Variants in SBNO2 observed in about 807,000 individuals in gnomAD.
The protein encoded by SBNO2 is protein strawberry notch homolog 2.
In SBNO2, 89 loss-of-function variants were observed where a neutral mutation model predicts 146.3. The ratio of observed to expected loss-of-function variants is 0.61; its 90% CI spans 0.51 to 0.73. The LOEUF (loss-of-function observed/expected upper bound fraction) is 0.73, where lower values mean the gene tolerates loss of function less well. Ranked by LOEUF, SBNO2 falls within the 30% of genes least tolerant of loss-of-function variation. The pLI, the probability that SBNO2 is intolerant of heterozygous loss-of-function variation, is 0.00. For missense variants in SBNO2, 2,092 were observed against 2,003.7 expected (o/e 1.04, Z -0.84); for synonymous variants, 1,147 against 892.6 (o/e 1.29, Z -5.08).
intron 4 of SBNO2, 123 bp downstream of exon 4, chr19:1,147,186 G>A (rs1432748735): frequency 1.2e-5 from 8 of 653,934 alleles, no homozygotes; most frequent in Admixed American, 3.5e-5. Context: ...CTGCGGCCGA[G>A]GGGCCAAGCC....
Position 1,145,341 on chromosome 19 carries a change from T to A in SBNO2, c.279+1968A>T, listed in dbSNP as rs1407117977. Among the ~76,000 whole-genome samples the A allele has an allele frequency of 2.8e-5, 4 of 144,328 alleles. No homozygotes were observed. The East Asian group carries it at 6.0e-4, about 22-fold the overall frequency. 94.7% of individuals were successfully genotyped at this position (144,328 alleles called of 152,430 possible). On this transcript the variant is annotated intron_variant, in intron 4 of 31. Coordinates refer to ENST00000361757, the MANE Select transcript of SBNO2 (RefSeq NM_014963.3). ...AAAAAAAATTAGCCAGGCATGGTGG[T>A]GCATGCCTGTGGTCTCAGCTGCTCG...
In SBNO2 at chr19:1,157,491, C is replaced by T. The variant is rs1185204746; in HGVS notation, c.-126-3089G>A. ...AGCCACGGGCCAGCCAAACGTCCAGCGGGCAGCAGAGCGTGTCCCCTGCCT... is the reference window on the plus strand; with the variant it reads ...AGCCACGGGCCAGCCAAACGTCCAGTGGGCAGCAGAGCGTGTCCCCTGCCT... On this transcript the variant is annotated intron_variant, in intron 1 of 31. Coordinates refer to ENST00000361757, the MANE Select transcript of SBNO2 (RefSeq NM_014963.3). This position sits in a 1 kb window ranked among gnomAD's most constrained non-coding sequence, Gnocchi z 6.8. 1.4e-5 allele frequency among the ~76,000 whole-genome samples: 2 copies of T among 145,572 alleles called. No homozygotes were observed. The highest frequency in any genetic ancestry group is 2.5e-5 in the African/African-American group (1 of 40,246).
At chr19:1,162,062 G>A (rs1385999307) in intron 1 of SBNO2, among the ~76,000 whole-genome samples, 2 of 150,962 alleles carry the variant, frequency 1.3e-5, no homozygotes, top group East Asian at 2.0e-4. Flanking sequence ...TCCTGGCCCC[G>A]AGGCTGTGGG....
In SBNO2 at chr19:1,157,611, G is replaced by T. The variant is rs2080304329; in HGVS notation, c.-126-3209C>A. 6.6e-6 allele frequency among the ~76,000 whole-genome samples: 1 copy of T among 152,190 alleles called. No homozygotes were observed. The highest frequency in any genetic ancestry group is 1.5e-5 in the Non-Finnish European group (1 of 68,020). On this transcript the variant is annotated intron_variant, in intron 1 of 31. Coordinates refer to ENST00000361757, the MANE Select transcript of SBNO2 (RefSeq NM_014963.3). The surrounding 1 kb of genome is among the most constrained non-coding windows in gnomAD (Gnocchi z 6.8). ...CACACGGTTCCCACCTTGGGAGGGGGCCCGCGCTTTATCAGCACGCTGACA... is the reference window on the plus strand; with the variant it reads ...CACACGGTTCCCACCTTGGGAGGGGTCCCGCGCTTTATCAGCACGCTGACA...
chr19:1,145,166 C>G (rs1052497070), intron 4 of SBNO2, among the ~76,000 whole-genome samples: 6 of 151,398 alleles, frequency 4.0e-5, no homozygotes, highest in Non-Finnish European at 8.8e-5. Flanking sequence ...GAGAGAGAGA[C>G]AGAGAAAAGA....
chr19:1,174,263 C>T lies in SBNO2; in HGVS notation c.-218G>A, dbSNP rs1030791327. 6.6e-6 allele frequency: 1 copy of T among 151,640 alleles called. No homozygotes were observed. Among genetic ancestry groups the T allele is most frequent in the Non-Finnish European group, 1.5e-5 (1 of 67,852 alleles). 9.4% of individuals were successfully genotyped at this position (151,640 alleles called of 1,614,324 possible). ...CCGCTCACTTCCGGGTTTCGGGCGC[C>T]ATCTTGGGGGCCCCGCGCACTTCCG... On this transcript the variant is annotated 5_prime_UTR_variant, in exon 1 of 32. An upstream start codon of the reference 5' UTR is lost. Transcript: ENST00000361757.
At position 1,109,617 on chromosome 19, in the gene SBNO2, G is replaced by C; in HGVS notation, c.3124-19C>G. On this transcript the variant is annotated intron_variant, in intron 27 of 31. Transcript: ENST00000361757. This position sits in a 1 kb window ranked among gnomAD's most constrained non-coding sequence, Gnocchi z 4.2. ...CGCTGATCTGCCACGGCACGGGGTG[G>C]GGGGGTGTGAGTGTGGTGGGGGCGG... 1 of 1,565,598 alleles carries C rather than the reference G, an allele frequency of 6.4e-7. No individual in the cohort carries two copies. Among genetic ancestry groups the C allele is most frequent in the South Asian group, 1.2e-5 (1 of 85,514 alleles).
chr19:1,146,914 G>A (rs532251122), intron 4 of SBNO2, among the ~76,000 whole-genome samples: 2 of 152,268 alleles, frequency 1.3e-5, no homozygotes, highest in East Asian at 1.9e-4. Flanking sequence ...TGTGAGTTCC[G>A]TTTTCAGGTG....
At chr19:1,139,516 G>A (rs993330776) in intron 4 of SBNO2, among the ~76,000 whole-genome samples, 1 of 152,012 alleles carries the variant, frequency 6.6e-6, no homozygotes, top group African/African-American at 2.4e-5. Context: ...GAAAAGGGGC[G>A]GGGCGTGGTG....
chr19:1,122,279 T>C lies in SBNO2; in HGVS notation c.1009A>G (p.Lys337Glu). The C allele has an allele frequency of 1.9e-6, 3 of 1,561,616 alleles. No homozygotes were observed. The highest frequency in any genetic ancestry group is 2.6e-6 in the Non-Finnish European group (3 of 1,152,762). Residue 337 changes from lysine to glutamate, a missense_variant, in exon 11 of 32, where the codon AAG (lysine) becomes GAG (glutamate). By Grantham distance (56) the Lys-to-Glu change is moderately conservative. Coordinates refer to ENST00000361757, the MANE Select transcript of SBNO2 (RefSeq NM_014963.3). ...TCTGAGGTAGTGGTGTCACCGTACT[T>C]GATCTGGGGATGCACAGAACAGGTG... The part of the protein sequence containing the change: ...GIAVHALSKI[K>E]YGDTTTSEGV...
chr19:1,167,436 C>T (rs376963072), intron 1 of SBNO2, among the ~76,000 whole-genome samples: 7 of 152,206 alleles, frequency 4.6e-5, no homozygotes, highest in African/African-American at 9.7e-5. Flanking sequence ...GGAGAGTCCG[C>T]GCCTGAGCTC....
chr19:1,109,355 C>T lies in SBNO2; in HGVS notation c.3285G>A (p.Lys1095=). ...GCTGGCTCTGCCGGCCGATGTTGGG[C>T]TTGTACACCGTGAAGAACTGGCCGC... The part of the protein sequence containing the change: ...QNRGQFFTVY[K]PNIGRQSQLE... Residue 1095 remains lysine (K), a synonymous_variant, in exon 29 of 32, where the codon AAG becomes AAA. Coordinates refer to ENST00000361757, the MANE Select transcript of SBNO2 (RefSeq NM_014963.3). This position sits in a 1 kb window ranked among gnomAD's most constrained non-coding sequence, Gnocchi z 4.2. 1.9e-6 allele frequency: 3 copies of T among 1,591,184 alleles called. No homozygotes were observed. The highest frequency in any genetic ancestry group is 2.6e-6 in the Non-Finnish European group (3 of 1,169,814).
At chr19:1,113,077 G>T in intron 19 of SBNO2, 128 bp from the exon 20 acceptor site, 1 of 1,162,894 alleles carries the variant, frequency 8.6e-7, no homozygotes, top group Non-Finnish European at 1.2e-6. Flanking sequence ...GGAGGTGGGG[G>T]TGCTGGGAAA....
In SBNO2 at chr19:1,146,274, G is replaced by T. The variant is rs546410770; in HGVS notation, c.279+1035C>A. 2.0e-5 allele frequency among the ~76,000 whole-genome samples: 3 copies of T among 152,246 alleles called. No homozygotes were observed. In the East Asian group the frequency reaches 5.8e-4, roughly 29 times the overall value. On this transcript the variant is annotated intron_variant, in intron 4 of 31. Transcript: ENST00000361757. The stretch of plus-strand genomic sequence containing the variant: ...GCGGTCACCCCAGCACAGACTCAGG[G>T]TCCGGCTGGCTTTGCCCCGCTCTGC...
At chr19:1,114,052 G>A (rs2079801333) in intron 18 of SBNO2, among the ~76,000 whole-genome samples, 179 bp downstream of exon 18, 1 of 152,200 alleles carries the variant, frequency 6.6e-6, no homozygotes, top group African/African-American at 2.4e-5. Context: ...TCTGTAAAGT[G>A]GGCACCATAG....
chr19:1,166,622 C>CT (rs2080428310), intron 1 of SBNO2, among the ~76,000 whole-genome samples: 1 of 1,890 alleles, frequency 5.3e-4, no homozygotes, highest in Non-Finnish European at 0.016. Context: ...CACGCGCACA[C>CT]ACACACACAC....
intron 2 of SBNO2, 74 bp from the exon 3 acceptor site, chr19:1,149,516 A>G: frequency 7.2e-7 from 1 of 1,394,390 alleles, no homozygotes; most frequent in African/African-American, 1.4e-5. Context: ...CCCTCCGGGC[A>G]GGGTGACAGG....
At chr19:1,156,838 C>G (rs1410838382) in intron 1 of SBNO2, among the ~76,000 whole-genome samples, 3 of 151,552 alleles carry the variant, frequency 2.0e-5, no homozygotes, top group African/African-American at 7.3e-5. Flanking sequence ...TGGGGCGACC[C>G]TGCACCCGGG....
chr19:1,124,320 G>A (rs1024396306), intron 5 of SBNO2, among the ~76,000 whole-genome samples: 7 of 152,192 alleles, frequency 4.6e-5, no homozygotes, highest in Admixed American at 2.6e-4. Flanking sequence ...GAAGGTGCCC[G>A]GCTAGTTCTG....
Sources: gnomAD v4.1 joint callset for allele counts (sites outside exome capture counted in the v4.1 genomes callset) on GRCh38, gnomAD v4.1.1 for gene constraint, Gnocchi (gnomAD v3.1) non-coding constraint, MANE v1.5 for transcripts, NCBI Gene and HGNC (gene_info 2026-07-23, HGNC 2026-07-21) for gene names.